Variants in FSD1L observed in about 807,000 individuals in gnomAD.
FSD1L encodes FSD1-like protein.
Under a neutral mutation model 71.6 loss-of-function variants are expected in FSD1L, and 45 were observed. The ratio of observed to expected loss-of-function variants is 0.63; its 90% CI spans 0.49 to 0.81. The LOEUF (loss-of-function observed/expected upper bound fraction) is 0.81. Ranked by LOEUF, FSD1L falls within the 30% of genes least tolerant of loss-of-function variation. The probability of loss-of-function intolerance (pLI) is 0.00; values close to 1 mark genes in which losing one functional copy is unlikely to be tolerated. For synonymous variants in FSD1L, 197 were observed against 207.2 expected, an observed-to-expected ratio of 0.95 and a Z score of 0.42; for missense variants, 561 against 618.1, an observed-to-expected ratio of 0.91 and a Z score of 0.98.
intron 10 of FSD1L, among the ~76,000 whole-genome samples, chr9:105,514,030 ATAAT>A (rs571638423): frequency 7.2e-5 from 11 of 152,196 alleles, no homozygotes; most frequent in Non-Finnish European, 1.5e-4. Context: ...CTGTTTTATA[ATAAT>A]TAGGCAGTTT....
intron 1 of FSD1L, among the ~76,000 whole-genome samples, chr9:105,452,653 G>GCCTTCCTT (rs1564073128): frequency 2.3e-5 from 3 of 130,590 alleles, no homozygotes; most frequent in Non-Finnish European, 3.3e-5. Context: ...CTGCCTGCCT[G>GCCTTCCTT]CCTGCCTGCC....
chr9:105,510,954 A>C (rs1241171827), intron 9 of FSD1L, among the ~76,000 whole-genome samples: 1 of 151,620 alleles, frequency 6.6e-6, no homozygotes, highest in African/African-American at 2.4e-5. Context: ...TATAGGACTT[A>C]TACAAGAGAT....
chr9:105,522,060 C>T (rs1221607247), intron 10 of FSD1L: 4 of 1,612,966 alleles, frequency 2.5e-6, no homozygotes, highest in East Asian at 2.2e-5. Flanking sequence ...AGCTTTTCTA[C>T]AGTTCCAAGG....
chr9:105,525,860 T>G, intron 10 of FSD1L: 2 of 1,585,816 alleles, frequency 1.3e-6, no homozygotes, highest in Non-Finnish European at 1.7e-6. Flanking sequence ...ACTCCATATT[T>G]TGCTACCTCT....
rs369867709 is a variant in FSD1L, at chr9:105,463,887, G to A, written c.112-349G>A. On this transcript the variant is annotated intron_variant, in intron 2 of 13. Coordinates refer to ENST00000481272, the MANE Select transcript of FSD1L (RefSeq NM_001145313.3). ...TCCTCGGTTCCTGATGTTGTATTCC[G>A]TTTCCATTTGTTTTTACAGCATTTA... 1.8e-4 allele frequency among the ~76,000 whole-genome samples: 28 copies of A among 152,034 alleles called. No individual in the cohort carries two copies. In the South Asian group the frequency reaches 4.4e-3, roughly 24 times the overall value.
intron 1 of FSD1L, among the ~76,000 whole-genome samples, chr9:105,450,886 C>T (rs936138733): frequency 6.6e-6 from 1 of 152,170 alleles, no homozygotes; most frequent in African/African-American, 2.4e-5. Context: ...TACAAAAATA[C>T]TGTTAGCTAC....
intron 9 of FSD1L, 50 bp from the exon 10 acceptor site, chr9:105,512,757 G>A (rs1303692258): frequency 1.9e-6 from 2 of 1,060,648 alleles, no homozygotes; most frequent in Non-Finnish European, 2.6e-6. Flanking sequence ...GTTTCAGAAA[G>A]TGGAGATATG....
In FSD1L at chr9:105,551,256, C is replaced by T. The variant is rs566502399; in HGVS notation, c.*4773C>T. On this transcript the variant is annotated 3_prime_UTR_variant, in exon 14 of 14. Transcript: ENST00000481272. ...TTTTGGAATAATTTATATTAAAAGC[C>T]GCAAGTCTTAAAAATCCCTGGATAT... The T allele has an allele frequency of 3.3e-5, 5 of 151,764 alleles. No homozygotes were observed. The highest frequency in any genetic ancestry group is 2.0e-4 in the Admixed American group (3 of 15,240). The allele number at this position is 151,764 out of a possible 1,614,324, so 9.4% of individuals were successfully genotyped here.
At chr9:105,497,222 G>A (rs1833468124) in intron 7 of FSD1L, among the ~76,000 whole-genome samples, 1 of 151,548 alleles carries the variant, frequency 6.6e-6, no homozygotes, top group Non-Finnish European at 1.5e-5. Flanking sequence ...AATACCAGTT[G>A]GTCAAGGGTA....
intron 10 of FSD1L, among the ~76,000 whole-genome samples, chr9:105,532,176 T>A (rs1409972601): frequency 6.6e-6 from 1 of 152,186 alleles, no homozygotes; most frequent in African/African-American, 2.4e-5. Flanking sequence ...TAGAGCTGCA[T>A]GTACTATTTT....
rs377145648 is a variant in FSD1L at position 105,477,802 on chromosome 9, ATTTG to A, written c.442-1542_442-1539del. Among the ~76,000 whole-genome samples the A allele has an allele frequency of 4.1e-3, 621 of 152,336 alleles. 6 individuals are homozygous for A. The highest frequency in any genetic ancestry group is 0.013 in the African/African-American group (542 of 41,592). On this transcript the variant is annotated intron_variant, in intron 5 of 13. Transcript: ENST00000481272. ...TGACTTAAGATACAGATTCCACAGA[ATTTG>A]TTTGTTTGTGTAGCACGTGGGAATG... is the stretch of plus-strand genomic sequence containing the variant.
chr9:105,449,304 A>C (rs933329055), intron 1 of FSD1L, among the ~76,000 whole-genome samples: 1 of 152,186 alleles, frequency 6.6e-6, no homozygotes, highest in South Asian at 2.1e-4. Context: ...ATTTCATTGT[A>C]TGTGTTGGTC....
At chr9:105,482,517 G>A (rs1320212672) in intron 6 of FSD1L, among the ~76,000 whole-genome samples, 1 of 152,148 alleles carries the variant, frequency 6.6e-6, no homozygotes, top group African/African-American at 2.4e-5. Flanking sequence ...AAAATCAAGG[G>A]GAATTAAAGC....
At chr9:105,526,419 C>G (rs1171879328) in intron 10 of FSD1L, 11 of 1,613,332 alleles carry the variant, frequency 6.8e-6, no homozygotes, top group Non-Finnish European at 9.3e-6. Context: ...GAAACTCCCA[C>G]AGCAGCGCAG....
intron 1 of FSD1L, among the ~76,000 whole-genome samples, chr9:105,456,744 C>T (rs1830380925): frequency 6.6e-6 from 1 of 152,226 alleles, no homozygotes; most frequent in South Asian, 2.1e-4. Flanking sequence ...ATTGCCTGTG[C>T]AGACTTCCTA....
chr9:105,483,515 G>C (rs548082742), intron 6 of FSD1L, among the ~76,000 whole-genome samples: 2 of 152,200 alleles, frequency 1.3e-5, no homozygotes, highest in East Asian at 3.9e-4. Flanking sequence ...ATAGTAAGGG[G>C]CTTACTTTGT....
At chr9:105,531,621 T>A (rs1835900114) in intron 10 of FSD1L, among the ~76,000 whole-genome samples, 1 of 152,256 alleles carries the variant, frequency 6.6e-6, no homozygotes, top group Non-Finnish European at 1.5e-5. Flanking sequence ...TTTGTATAGT[T>A]ACCAATATTT....
chr9:105,520,222 G>T (rs1412968284), intron 10 of FSD1L: 3 of 1,610,612 alleles, frequency 1.9e-6, no homozygotes, highest in Admixed American at 3.3e-5. Context: ...AAGCACCTGC[G>T]CATCGTCATC....
At chr9:105,518,575 G>A (rs564431991) in intron 10 of FSD1L, among the ~76,000 whole-genome samples, 27 of 152,258 alleles carry the variant, frequency 1.8e-4, no homozygotes, top group African/African-American at 4.8e-4. Flanking sequence ...GGTAAATAAC[G>A]AAATGAAGGC....
Sources: gnomAD v4.1 joint callset for allele counts (sites outside exome capture counted in the v4.1 genomes callset) on GRCh38, gnomAD v4.1.1 for gene constraint, MANE v1.5 for transcripts, NCBI Gene and HGNC (gene_info 2026-07-23, HGNC 2026-07-21) for gene names.